The following TBC1D9B variants were observed in gnomAD, a reference collection of about 807,000 sequenced individuals.
The protein encoded by TBC1D9B is TBC1 domain family member 9B.
A neutral mutation model predicts 121.1 loss-of-function variants in TBC1D9B; 87 were observed. That is an observed-to-expected ratio of 0.72 (90% CI 0.60 to 0.86). The LOEUF (loss-of-function observed/expected upper bound fraction) is 0.86. Ranked by LOEUF, TBC1D9B falls within the 40% of genes least tolerant of loss-of-function variation. The probability of loss-of-function intolerance (pLI) is 0.00; values close to 1 mark genes in which losing one functional copy is unlikely to be tolerated. For synonymous variants in TBC1D9B, 668 were observed against 670.1 expected (o/e 1.00, Z 0.05); for missense variants, 1,540 against 1,628.6 (o/e 0.95, Z 0.94).
In TBC1D9B at chr5:179,891,596, C is replaced by A; in HGVS notation, c.837-10G>T. ...TCGGGCGTCCAGGTCTCTGGGGAAACAAGGTAGGAGGACAGGAGGAAAGGG... is the reference window on the plus strand; with the variant it reads ...TCGGGCGTCCAGGTCTCTGGGGAAAAAAGGTAGGAGGACAGGAGGAAAGGG... On this transcript the variant is annotated splice_polypyrimidine_tract_variant and intron_variant, in intron 5 of 20. Coordinates refer to ENST00000355235, the MANE Select transcript of TBC1D9B (RefSeq NM_015043.4). This position sits in a 1 kb window ranked among gnomAD's most constrained non-coding sequence, Gnocchi z 4.3. The A allele has an allele frequency of 6.2e-7, 1 of 1,611,346 alleles. No homozygotes were observed. The highest frequency in any genetic ancestry group is 8.5e-7 in the Non-Finnish European group (1 of 1,179,548).
Position 179,875,802 on chromosome 5 carries a change from C to T in TBC1D9B, c.1900+118G>A. On this transcript the variant is annotated intron_variant, in intron 11 of 20. Coordinates refer to ENST00000355235, the MANE Select transcript of TBC1D9B (RefSeq NM_015043.4). This position sits in a 1 kb window ranked among gnomAD's most constrained non-coding sequence, Gnocchi z 4.5. ...TAAACCACCGAATGTGTAATACTAC[C>T]CTCTAACTCCTAGGGAACCCACGTG... is the stretch of plus-strand genomic sequence containing the variant. The T allele has an allele frequency of 1.4e-6, 1 of 702,826 alleles. No homozygotes were observed. The highest frequency in any genetic ancestry group is 1.8e-5 in the African/African-American group (1 of 54,190). 43.5% of individuals were successfully genotyped at this position (702,826 alleles called of 1,614,324 possible).
chr5:179,879,082 T>C lies in TBC1D9B; in HGVS notation c.1532A>G (p.Glu511Gly), dbSNP rs1760450808. The C allele has an allele frequency of 1.4e-5, 22 of 1,605,864 alleles. No homozygotes were observed. The highest frequency in any genetic ancestry group is 1.6e-5 in the Non-Finnish European group (19 of 1,179,942). The change falls in exon 9 of 21, where the codon GAG (glutamate) becomes GGG (glycine). Residue 511 changes from glutamate to glycine, a missense_variant. Transcript: ENST00000355235. ...TRALVLKGIPESLRGELWLLF... is the reference protein window; with the variant it reads ...TRALVLKGIPGSLRGELWLLF... ...GAGCCACAGCTCTCCCCGGAGGCTC[T>C]CAGGGATACCCTTCAGGACCAGTGC... is the stretch of plus-strand genomic sequence containing the variant.
chr5:179,866,410 G>C (rs1760012489), intron 18 of TBC1D9B: 1 of 152,792 alleles, frequency 6.5e-6, no homozygotes, highest in Non-Finnish European at 1.5e-5. Flanking sequence ...CCCTGCGTGG[G>C]AACATGCACC....
chr5:179,900,995 G>A (rs983519757), intron 2 of TBC1D9B, among the ~76,000 whole-genome samples: 8 of 152,104 alleles, frequency 5.3e-5, no homozygotes, highest in Non-Finnish European at 7.4e-5. Context: ...CGTGGCACCC[G>A]CTCAAGGCTG....
chr5:179,875,811 C>T lies in TBC1D9B; in HGVS notation c.1900+109G>A. The T allele has an allele frequency of 1.2e-6, 1 of 828,790 alleles. No individual in the cohort carries two copies. The highest frequency in any genetic ancestry group is 1.8e-6 in the Non-Finnish European group (1 of 546,652). The allele number at this position is 828,790 out of a possible 1,614,324, so 51.3% of individuals were successfully genotyped here. A position where few individuals can be genotyped will look rare whatever the true frequency, so the allele number is the denominator to read the frequency against. The stretch of plus-strand genomic sequence containing the variant: ...GAATGTGTAATACTACCCTCTAACT[C>T]CTAGGGAACCCACGTGAAGCCTGGA... On this transcript the variant is annotated intron_variant, in intron 11 of 20. Transcript: ENST00000355235. This position sits in a 1 kb window ranked among gnomAD's most constrained non-coding sequence, Gnocchi z 4.5.
chr5:179,879,295 C>G, intron 8 of TBC1D9B, 98 bp from the exon 9 acceptor site: 2 of 1,483,122 alleles, frequency 1.3e-6, no homozygotes, highest in Admixed American at 4.3e-5. Context: ...CCAGACAGTG[C>G]TGGCCAGCAA....
rs1456189651 is a variant in TBC1D9B, at chr5:179,902,877, T to TG, written c.229+1824dup. Among the ~76,000 whole-genome samples, 1 of 151,462 alleles carries TG rather than the reference T, an allele frequency of 6.6e-6. No homozygotes were observed. The highest frequency in any genetic ancestry group is 1.5e-5 in the Non-Finnish European group (1 of 68,032). On this transcript the variant is annotated intron_variant, in intron 2 of 20. Coordinates refer to ENST00000355235, the MANE Select transcript of TBC1D9B (RefSeq NM_015043.4). This position sits in a 1 kb window ranked among gnomAD's most constrained non-coding sequence, Gnocchi z 4.9. ...GGGGGTCTAACTGGGCTTCCCTGCT[T>TG]GGCCTTGGACAAACTCCCCTTCCTA...
chr5:179,893,514 C>G, intron 4 of TBC1D9B, 47 bp from the exon 5 acceptor site: 1 of 1,551,224 alleles, frequency 6.4e-7, no homozygotes, highest in Non-Finnish European at 8.7e-7. Flanking sequence ...CCTGGCAGGG[C>G]GAGGCTCCTG....
At chr5:179,879,319 C>G in intron 8 of TBC1D9B, 122 bp from the exon 9 acceptor site, 4 of 1,429,164 alleles carry the variant, frequency 2.8e-6, no homozygotes, top group Non-Finnish European at 3.7e-6. Flanking sequence ...TGGCCTTCCT[C>G]GCAATTCCCG....
chr5:179,893,376 G>T lies in TBC1D9B; in HGVS notation c.669C>A (p.Asp223Glu). ...GGAACATGGAGAAGAAGAGCTCCTG[G>T]TCGCGGGTGTCCACACGGATGCTCT... ...FPESIRVDTRDQELFFSMFLN... is the reference protein window; with the variant it reads ...FPESIRVDTREQELFFSMFLN... The change falls in exon 5 of 21, where the codon GAC (aspartate) becomes GAA (glutamate). Residue 223 changes from aspartate (D) to glutamate (E), a missense_variant. Transcript: ENST00000355235. 6.2e-7 allele frequency: 1 copy of T among 1,614,192 alleles called. No homozygotes were observed.
chr5:179,879,207 A>G lies in TBC1D9B; in HGVS notation c.1417-10T>C, dbSNP rs1454102041. ...TCATCTTCTCCTTGGCCTGAGGGAAAAGCGCATCAGGGAGCCTGGGGGCCG... is the reference window on the plus strand; with the variant it reads ...TCATCTTCTCCTTGGCCTGAGGGAAGAGCGCATCAGGGAGCCTGGGGGCCG... On this transcript the variant is annotated splice_polypyrimidine_tract_variant and intron_variant, in intron 8 of 20. Transcript: ENST00000355235. 6.3e-7 allele frequency: 1 copy of G among 1,597,172 alleles called. No homozygotes were observed. Among genetic ancestry groups the G allele is most frequent in the Non-Finnish European group, 8.5e-7 (1 of 1,178,132 alleles).
rs1760671953 is a variant in TBC1D9B, at chr5:179,885,917, C to T, written c.1254+2186G>A. 6.6e-6 allele frequency among the ~76,000 whole-genome samples: 1 copy of T among 152,220 alleles called. No individual in the cohort carries two copies. Among genetic ancestry groups the T allele is most frequent in the Non-Finnish European group, 1.5e-5 (1 of 68,034 alleles). On this transcript the variant is annotated intron_variant, in intron 7 of 20. Coordinates refer to ENST00000355235, the MANE Select transcript of TBC1D9B (RefSeq NM_015043.4). The surrounding 1 kb of genome is among the most constrained non-coding windows in gnomAD (Gnocchi z 4.5). ...CTTTCGGTGACTTGGCCTTCTGCCA[C>T]CTCTCTGGTCTCACCTCCTACACCT...
chr5:179,869,507 C>T, intron 17 of TBC1D9B: 1 of 645,652 alleles, frequency 1.5e-6, no homozygotes, highest in South Asian at 1.5e-5. Context: ...GGTCCAGCTG[C>T]CTCCTCGGTG....
In TBC1D9B at chr5:179,863,669, C is replaced by T. The variant is rs1457184613; in HGVS notation, c.3481G>A (p.Gly1161Ser). 4 of 1,613,624 alleles carry T rather than the reference C, an allele frequency of 2.5e-6. No individual in the cohort carries two copies. The highest frequency in any genetic ancestry group is 2.2e-5 in the South Asian group (2 of 91,096). The stretch of plus-strand genomic sequence containing the variant: ...GCTGTGGGGCTGCAGGCCTCCCCGC[C>T]CACCAGCACCGTGTCGTCTGCAAGG... The part of the protein sequence containing the change: ...EDLADDTVLV[G>S]GEACSPTARI... The change falls in exon 21 of 21, where the codon GGC (glycine) becomes AGC (serine). Residue 1161 changes from glycine to serine, a missense_variant. Coordinates refer to ENST00000355235, the MANE Select transcript of TBC1D9B (RefSeq NM_015043.4). The surrounding 1 kb of genome is among the most constrained non-coding windows in gnomAD (Gnocchi z 4.5).
chr5:179,903,338 G>A (rs1372758996), intron 2 of TBC1D9B, among the ~76,000 whole-genome samples: 2 of 152,234 alleles, frequency 1.3e-5, no homozygotes, highest in South Asian at 4.1e-4. Flanking sequence ...GCGTCAGCTA[G>A]GACTGTCATT....
chr5:179,863,214 G>A lies in TBC1D9B; in HGVS notation c.*234C>T. 1.8e-6 allele frequency: 1 copy of A among 548,938 alleles called. No homozygotes were observed. The highest frequency in any genetic ancestry group is 3.1e-5 in the East Asian group (1 of 32,624). The allele number at this position is 548,938 out of a possible 1,614,324, so 34.0% of individuals were successfully genotyped here. A position where few individuals can be genotyped will look rare whatever the true frequency, so the allele number is the denominator to read the frequency against. On this transcript the variant is annotated 3_prime_UTR_variant, in exon 21 of 21. Coordinates refer to ENST00000355235, the MANE Select transcript of TBC1D9B (RefSeq NM_015043.4). The surrounding 1 kb of genome is among the most constrained non-coding windows in gnomAD (Gnocchi z 4.5). ...CTCCCACCAGGTGTAAGGAAGGTGG[G>A]AGCCACAGCCTCTTCCTGGGCCCAG...
chr5:179,871,830 C>T (rs879204778), intron 14 of TBC1D9B: 11 of 184,118 alleles, frequency 6.0e-5, no homozygotes, highest in African/African-American at 1.5e-4. Context: ...TCTCACACTC[C>T]GGGCCCCTTC....
intron 4 of TBC1D9B, among the ~76,000 whole-genome samples, chr5:179,893,861 G>GT (rs1446112452): frequency 2.0e-5 from 3 of 152,190 alleles, no homozygotes; most frequent in Non-Finnish European, 4.4e-5. Context: ...CCACCTGGTC[G>GT]TGACAGGTAA....
chr5:179,874,054 G>A lies in TBC1D9B; in HGVS notation c.2187-806C>T, dbSNP rs1047387553. On this transcript the variant is annotated intron_variant, in intron 12 of 20. Coordinates refer to ENST00000355235, the MANE Select transcript of TBC1D9B (RefSeq NM_015043.4). This position sits in a 1 kb window ranked among gnomAD's most constrained non-coding sequence, Gnocchi z 4.3. ...CAGCACCTGGCCTGGCCATGGGCAA[G>A]TGGCAGAGTCCCAGGCTGTTCCTGG... is the stretch of plus-strand genomic sequence containing the variant. Among the ~76,000 whole-genome samples, 3 of 152,214 alleles carry A rather than the reference G, an allele frequency of 2.0e-5. No individual in the cohort carries two copies. Among genetic ancestry groups the A allele is most frequent in the Non-Finnish European group, 2.9e-5 (2 of 68,030 alleles).
Sources: gnomAD v4.1 joint callset for allele counts (sites outside exome capture counted in the v4.1 genomes callset) on GRCh38, gnomAD v4.1.1 for gene constraint, Gnocchi (gnomAD v3.1) non-coding constraint, MANE v1.5 for transcripts, NCBI Gene and HGNC (gene_info 2026-07-23, HGNC 2026-07-21) for gene names.